Variants in USP36 observed in about 807,000 individuals in gnomAD.
The protein encoded by USP36 is ubiquitin specific peptidase 36, also known as ubiquitin carboxyl-terminal hydrolase 36.
A neutral mutation model predicts 111.5 loss-of-function variants in USP36; 59 were observed. The ratio of observed to expected loss-of-function variants is 0.53; its 90% CI spans 0.43 to 0.66. The LOEUF (loss-of-function observed/expected upper bound fraction) is 0.66, where lower values mean the gene tolerates loss of function less well. Among genes scored for constraint, USP36 ranks in the 30% least tolerant of loss-of-function variants. The pLI is 0.00. For synonymous variants in USP36, 628 were observed against 581.0 expected (o/e 1.08, Z -1.16); for missense variants, 1,488 against 1,468.0 (o/e 1.01, Z -0.22).
At chr17:78,814,344 C>T (rs1168277148) in intron 11 of USP36, 68 bp downstream of exon 11, 30 of 1,588,684 alleles carry the variant, frequency 1.9e-5, no homozygotes, top group South Asian at 1.3e-4. Context: ...CTACAGAGGC[C>T]GCATCTGGAT....
chr17:78,811,522 T>C (rs949215164), intron 13 of USP36, among the ~76,000 whole-genome samples: 2 of 152,170 alleles, frequency 1.3e-5, no homozygotes. Context: ...CACAGCAGAA[T>C]TACCCAAATC....
At chr17:78,804,495 C>CAAAAAAA (rs10590690) in intron 15 of USP36, among the ~76,000 whole-genome samples, 1 of 136,296 alleles carries the variant, frequency 7.3e-6, no homozygotes, top group East Asian at 2.1e-4. Context: ...AAAACAAAAA[C>CAAAAAAA]AAAAAAAAAA....
rs575683197 is a variant in USP36, at chr17:78,801,069, T to C, written c.3022+1255A>G. ...TCGGCTCACTGCAAGCTCCGCCTCC[T>C]GGGTTCACACCATTCTCCTGCCTCA... On this transcript the variant is annotated intron_variant, in intron 17 of 20. Transcript: ENST00000449938. Among the ~76,000 whole-genome samples, 673 of 146,926 alleles carry C rather than the reference T, an allele frequency of 4.6e-3. 5 individuals carry two copies. The highest frequency in any genetic ancestry group is 0.016 in the African/African-American group (628 of 39,826).
chr17:78,792,505 G>A (rs1466969406), downstream of USP36, among the ~76,000 whole-genome samples: 1 of 152,138 alleles, frequency 6.6e-6, no homozygotes, highest in African/African-American at 2.4e-5. Context: ...TCAGAACAGT[G>A]GGTCTGCCCA....
downstream of USP36, among the ~76,000 whole-genome samples, chr17:78,794,645 C>T (rs1281053629): frequency 5.3e-5 from 8 of 152,182 alleles, no homozygotes; most frequent in Non-Finnish European, 1.2e-4. Context: ...AAAAGCCTGT[C>T]AGGCGCGGTG....
At position 78,798,815 on chromosome 17, in the gene USP36, C is replaced by T; in HGVS notation, c.3240+93G>A. On this transcript the variant is annotated intron_variant, in intron 19 of 20. Coordinates refer to ENST00000449938, the MANE Select transcript of USP36 (RefSeq NM_001385174.1). This position sits in a 1 kb window ranked among gnomAD's most constrained non-coding sequence, Gnocchi z 5.1. ...TGGCTCTTCTCATGCTCGGCCGCTTCATGCCACTGCCGCCACCTCCAACTG... is the reference window on the plus strand; with the variant it reads ...TGGCTCTTCTCATGCTCGGCCGCTTTATGCCACTGCCGCCACCTCCAACTG... 6.8e-7 allele frequency: 1 copy of T among 1,479,834 alleles called. No homozygotes were observed. Among genetic ancestry groups the T allele is most frequent in the Non-Finnish European group, 9.3e-7 (1 of 1,070,686 alleles). The allele number at this position is 1,479,834 out of a possible 1,614,324, so 91.7% of individuals were successfully genotyped here. A position where few individuals can be genotyped will look rare whatever the true frequency, so the allele number is the denominator to read the frequency against.
At chr17:78,800,613 CCA>C (rs2093717055) in intron 17 of USP36, among the ~76,000 whole-genome samples, 1 of 152,266 alleles carries the variant, frequency 6.6e-6, no homozygotes, top group African/African-American at 2.4e-5. Flanking sequence ...CCCATCTCAT[CCA>C]CACAGCCCAG....
intron 6 of USP36, 21 bp from the exon 7 acceptor site, chr17:78,822,025 T>C (rs2094342202): frequency 6.2e-7 from 1 of 1,613,974 alleles, no homozygotes; most frequent in African/African-American, 1.3e-5. Context: ...GACCCCAGCC[T>C]TTAAGGGAAG....
intron 10 of USP36, among the ~76,000 whole-genome samples, chr17:78,815,138 C>T (rs1228148950): frequency 1.3e-5 from 2 of 152,112 alleles, no homozygotes; most frequent in Non-Finnish European, 2.9e-5. Flanking sequence ...TTGAGACCAT[C>T]GTGGCCAAGA....
intron 4 of USP36, among the ~76,000 whole-genome samples, chr17:78,831,707 C>G (rs187932197): frequency 1.3e-5 from 2 of 152,076 alleles, no homozygotes; most frequent in Non-Finnish European, 2.9e-5. Flanking sequence ...TTTTGGGAGG[C>G]TGACGCAGGA....
At chr17:78,792,959 G>A (rs1439245142), downstream of USP36, among the ~76,000 whole-genome samples, 3 of 151,860 alleles carry the variant, frequency 2.0e-5, no homozygotes, top group African/African-American at 7.3e-5. Context: ...CAAGTGATCC[G>A]CCCGCCTCAG....
rs573713305 is a variant in USP36 at position 78,798,533 on chromosome 17, A to C, written c.3259T>G (p.Phe1087Val). Residue 1087 changes from phenylalanine to valine, a missense_variant, in exon 20 of 21, where the codon TTT becomes GTT. Around this residue, in one of 3 missense-constraint regions of USP36, gnomAD observed 1,073 missense variants for 994.1 expected, o/e 1.08. Coordinates refer to ENST00000449938, the MANE Select transcript of USP36 (RefSeq NM_001385174.1). This position sits in a 1 kb window ranked among gnomAD's most constrained non-coding sequence, Gnocchi z 5.1. ...AAGTTTCTCCTCTTCTCTCTCTTAA[A>C]TTTTTTAATTTTCTTTTCCTAGACC... ...DRGKEKKIKKFKREKRRNFNA... is the reference protein window; with the variant it reads ...DRGKEKKIKKVKREKRRNFNA... 9.9e-6 allele frequency: 16 copies of C among 1,613,674 alleles called. 1 individual carries two copies. The African/African-American group carries it at 2.1e-4, about 22-fold the overall frequency.
intron 7 of USP36, chr17:78,821,408 ATATATATATATATT>A (rs1267471885): frequency 1.3e-4 from 8 of 60,240 alleles, no homozygotes; most frequent in African/African-American, 1.9e-4. Context: ...ATATATATAT[ATATATATATATATT>A]TTTTTTTTTT....
At chr17:78,813,715 C>T (rs537582547) in intron 12 of USP36, 58 bp downstream of exon 12, 20 of 1,501,538 alleles carry the variant, frequency 1.3e-5, no homozygotes, top group Middle Eastern at 1.8e-4. Flanking sequence ...GGAGGCCCAC[C>T]GGTATAAGAA....
At chr17:78,838,468 A>C (rs2068923106) in intron 2 of USP36, 119 bp downstream of exon 2, 1 of 152,200 alleles carries the variant, frequency 6.6e-6, no homozygotes, top group Non-Finnish European at 1.5e-5. Context: ...TTGAGAAAAT[A>C]AAAGAGCCTT....
rs2093801867 is a variant in USP36, at chr17:78,803,263, C to T, written c.2810+122G>A. On this transcript the variant is annotated intron_variant, in intron 16 of 20. Transcript: ENST00000449938. The surrounding 1 kb of genome is among the most constrained non-coding windows in gnomAD (Gnocchi z 4.6). ...GAGGAGACATCTGATCACAAATCCA[C>T]ATTTTAGAAAACCACGCAAGCAGAC... 1 of 1,107,154 alleles carries T rather than the reference C, an allele frequency of 9.0e-7. No homozygotes were observed. The highest frequency in any genetic ancestry group is 1.3e-6 in the Non-Finnish European group (1 of 776,678). 68.6% of individuals were successfully genotyped at this position (1,107,154 alleles called of 1,614,324 possible).
rs766875006 is a variant in USP36, at chr17:78,828,921, C to T, written c.562G>A (p.Val188Ile). ...FANSGNAIKPVSFIRDLKKIA... is the reference protein window; with the variant it reads ...FANSGNAIKPISFIRDLKKIA... ...CTTTTCAGGTCTCGGATGAAGGAGA[C>T]GGGCTTGATGGCGTTGCCGCTGTTG... The change falls in exon 5 of 21, where the codon GTC becomes ATC. Residue 188 changes from valine (V) to isoleucine (I), a missense_variant. Physicochemically the swap from Val to Ile is conservative, Grantham distance 29. Coordinates refer to ENST00000449938, the MANE Select transcript of USP36 (RefSeq NM_001385174.1). 6.8e-6 allele frequency: 11 copies of T among 1,614,042 alleles called. No individual in the cohort carries two copies. Among genetic ancestry groups the T allele is most frequent in the Admixed American group, 3.3e-5 (2 of 60,006 alleles).
intron 8 of USP36, 61 bp downstream of exon 8, chr17:78,820,930 C>T: frequency 6.5e-7 from 1 of 1,536,640 alleles, no homozygotes; most frequent in Admixed American, 1.9e-5. Context: ...TCTGCGGGTT[C>T]TGTTTCACCC....
At chr17:78,802,877 C>T (rs1008747524) in intron 16 of USP36, among the ~76,000 whole-genome samples, 5 of 152,232 alleles carry the variant, frequency 3.3e-5, no homozygotes, top group Non-Finnish European at 5.9e-5. Context: ...ATGATGGACA[C>T]TACTGTCCAC....
Sources: allele counts gnomAD v4.1 joint callset (sites outside exome capture counted in the v4.1 genomes callset), GRCh38; gene constraint gnomAD v4.1.1; regional missense constraint gnomAD v4.1.1; non-coding constraint Gnocchi (gnomAD v3.1); transcripts MANE v1.5; gene names NCBI Gene and HGNC (gene_info 2026-07-23, HGNC 2026-07-21).